MMP16: variants seen among roughly 807,000 people sequenced by gnomAD.
MMP16 encodes the protein matrix metalloproteinase-16.
A neutral mutation model predicts 67.8 loss-of-function variants in MMP16; 12 were observed. The ratio of observed to expected loss-of-function variants is 0.18; its 90% confidence interval spans 0.11 to 0.29. The LOEUF (loss-of-function observed/expected upper bound fraction) is 0.29, where lower values mean the gene tolerates loss of function less well. Ranked by LOEUF, MMP16 falls within the 10% of genes least tolerant of loss-of-function variation. The probability of loss-of-function intolerance (pLI) is 1.00; values close to 1 mark genes in which losing one functional copy is unlikely to be tolerated. For missense variants in MMP16, 475 were observed against 765.7 expected, an observed-to-expected ratio of 0.62 and a Z score of 4.48; for synonymous variants, 249 against 255.9, an observed-to-expected ratio of 0.97 and a Z score of 0.26.
At position 88,092,300 on chromosome 8, in the gene MMP16, G is replaced by A. The variant is rs28906393; in HGVS notation, c.1084-17557C>T. On this transcript the variant is annotated intron_variant, in intron 6 of 9. Coordinates refer to ENST00000286614, the MANE Select transcript of MMP16 (RefSeq NM_005941.5). ...CGTTATTTAGCTACAGGTCTAATTG[G>A]AATGTTCTTTCCTTTTATCTTTGCA... is the stretch of plus-strand genomic sequence containing the variant. 7.5e-3 allele frequency among the ~76,000 whole-genome samples: 1,139 copies of A among 151,892 alleles called. 6 individuals carry two copies. Among genetic ancestry groups the A allele is most frequent in the Non-Finnish European group, 0.011 (747 of 67,814 alleles).
chr8:88,281,102 G>C (rs1247694070), intron 1 of MMP16, among the ~76,000 whole-genome samples: 2 of 152,116 alleles, frequency 1.3e-5, no homozygotes, highest in East Asian at 3.9e-4. Flanking sequence ...CTTGTATCAA[G>C]GACAAGTCTT....
intron 7 of MMP16, among the ~76,000 whole-genome samples, chr8:88,072,055 A>G (rs1808565775): frequency 6.6e-6 from 1 of 152,096 alleles, no homozygotes; most frequent in Non-Finnish European, 1.5e-5. Context: ...GTCAGATGGT[A>G]CGTGCACAAG....
chr8:88,048,669 G>A (rs1808229054), intron 8 of MMP16, among the ~76,000 whole-genome samples: 2 of 152,142 alleles, frequency 1.3e-5, no homozygotes, highest in African/African-American at 4.8e-5. Flanking sequence ...CATAAAGGCA[G>A]TTTCCAAGTT....
Position 88,041,346 on chromosome 8 carries a change from C to G in MMP16, c.*115G>C, listed in dbSNP as rs537336025. On this transcript the variant is annotated 3_prime_UTR_variant, in exon 10 of 10. Coordinates refer to ENST00000286614, the MANE Select transcript of MMP16 (RefSeq NM_005941.5). The surrounding 1 kb of genome is among the most constrained non-coding windows in gnomAD (Gnocchi z 6.0). ...CCCTCTGGGTTTGAAAGGTCAGCCC[C>G]GAATCAGGCTGCCACAAGCCTGCTC... 2.0e-5 allele frequency: 22 copies of G among 1,087,298 alleles called. No individual in the cohort carries two copies. The highest frequency in any genetic ancestry group is 2.0e-4 in the Admixed American group (9 of 44,634). 67.4% of individuals were successfully genotyped at this position (1,087,298 alleles called of 1,614,324 possible). A position where few individuals can be genotyped will look rare whatever the true frequency, so the allele number is the denominator to read the frequency against.
chr8:88,210,097 A>G (rs1809490176), intron 1 of MMP16, among the ~76,000 whole-genome samples: 1 of 152,098 alleles, frequency 6.6e-6, no homozygotes, highest in African/African-American at 2.4e-5. Flanking sequence ...GACCTCCACC[A>G]GGCTGGCACC....
intron 1 of MMP16, among the ~76,000 whole-genome samples, chr8:88,213,323 C>T (rs113183492): frequency 2.0e-5 from 3 of 152,018 alleles, no homozygotes; most frequent in South Asian, 2.1e-4. Flanking sequence ...CTTGTCATCA[C>T]GAGACGTTTG....
At chr8:88,300,654 C>T (rs1357687207) in intron 1 of MMP16, among the ~76,000 whole-genome samples, 2 of 152,096 alleles carry the variant, frequency 1.3e-5, no homozygotes, top group Non-Finnish European at 2.9e-5. Flanking sequence ...TATGTACGTA[C>T]AGAAAAAAAT....
intron 7 of MMP16, among the ~76,000 whole-genome samples, chr8:88,070,115 T>C (rs891974055): frequency 2.0e-5 from 3 of 152,300 alleles, no homozygotes; most frequent in East Asian, 1.9e-4. Flanking sequence ...TTTCACTAGA[T>C]AAAACTTGTT....
At chr8:88,182,887 C>A (rs923619328) in intron 3 of MMP16, among the ~76,000 whole-genome samples, 1 of 151,900 alleles carries the variant, frequency 6.6e-6, no homozygotes, top group Non-Finnish European at 1.5e-5. Context: ...AAAAAATGAG[C>A]TATCAAGTTA....
chr8:88,121,770 C>T (rs1351392611), intron 4 of MMP16, among the ~76,000 whole-genome samples: 1 of 151,958 alleles, frequency 6.6e-6, no homozygotes, highest in Non-Finnish European at 1.5e-5. Context: ...TACTCCAATA[C>T]AATGTTAGAA....
At chr8:88,076,966 G>A (rs1386538216) in intron 6 of MMP16, among the ~76,000 whole-genome samples, 1 of 152,144 alleles carries the variant, frequency 6.6e-6, no homozygotes, top group Middle Eastern at 3.2e-3. Flanking sequence ...ACCACATATG[G>A]AGCCGGGCCA....
At chr8:88,097,838 T>C (rs940274789) in intron 6 of MMP16, among the ~76,000 whole-genome samples, 9 of 151,788 alleles carry the variant, frequency 5.9e-5, no homozygotes, top group African/African-American at 2.2e-4. Flanking sequence ...TAAATTTTAC[T>C]AAAAAATGTG....
At chr8:88,309,125 G>A (rs1299512622) in intron 1 of MMP16, among the ~76,000 whole-genome samples, 1 of 152,024 alleles carries the variant, frequency 6.6e-6, no homozygotes, top group Non-Finnish European at 1.5e-5. Context: ...CCTTAACGCA[G>A]TAATTCCACT....
intron 1 of MMP16, among the ~76,000 whole-genome samples, chr8:88,323,931 C>T (rs528280137): frequency 6.6e-6 from 1 of 152,264 alleles, no homozygotes; most frequent in Non-Finnish European, 1.5e-5. Context: ...ATTCAGACTG[C>T]TGTCCAATGA....
intron 1 of MMP16, among the ~76,000 whole-genome samples, chr8:88,302,922 A>G (rs537990195): frequency 1.3e-5 from 2 of 152,086 alleles, no homozygotes; most frequent in South Asian, 4.2e-4. Flanking sequence ...ATCCAAAGGA[A>G]CTCCCACCCC....
At chr8:88,111,103 A>G (rs1459121520) in intron 6 of MMP16, among the ~76,000 whole-genome samples, 1 of 151,668 alleles carries the variant, frequency 6.6e-6, no homozygotes, top group Non-Finnish European at 1.5e-5. Context: ...CAAAGAGTTT[A>G]AGGATGATCT....
chr8:88,215,384 T>G (rs558022980), intron 1 of MMP16, among the ~76,000 whole-genome samples: 38 of 152,200 alleles, frequency 2.5e-4, no homozygotes, highest in African/African-American at 9.1e-4. Flanking sequence ...TTTCCATTTG[T>G]CCTTCTAAGA....
intron 1 of MMP16, among the ~76,000 whole-genome samples, chr8:88,250,027 C>T (rs1810182129): frequency 1.3e-5 from 2 of 152,134 alleles, no homozygotes. Flanking sequence ...AAACTCATCT[C>T]TGTAGCTGTC....
intron 1 of MMP16, among the ~76,000 whole-genome samples, chr8:88,297,899 C>T (rs905058322): frequency 6.6e-6 from 1 of 152,120 alleles, no homozygotes; most frequent in Non-Finnish European, 1.5e-5. Flanking sequence ...GAAAATGTGG[C>T]TATTTTTGAA....
Sources: gnomAD v4.1 joint callset for allele counts (sites outside exome capture counted in the v4.1 genomes callset) on GRCh38, gnomAD v4.1.1 for gene constraint, Gnocchi (gnomAD v3.1) non-coding constraint, MANE v1.5 for transcripts, NCBI Gene and HGNC (gene_info 2026-07-23, HGNC 2026-07-21) for gene names.